The following MUC5AC variants were observed in gnomAD, a reference collection of about 807,000 sequenced individuals.
MUC5AC encodes the protein mucin-5AC.
MUC5AC carries 158 observed loss-of-function variants against 169.7 expected under a neutral mutation model. That is an observed-to-expected ratio of 0.93 (90% CI 0.82 to 1.06). The LOEUF (loss-of-function observed/expected upper bound fraction) is 1.06. Among genes scored for constraint, MUC5AC ranks in the 50% least tolerant of loss-of-function variants. The pLI is 0.00. For synonymous variants in MUC5AC, 1,975 were observed against 1,237.0 expected (o/e 1.60, Z -12.52); for missense variants, 4,359 against 3,089.9 (o/e 1.41, Z -9.74).
In MUC5AC at chr11:1,195,933, C is replaced by T. The variant is rs771811154; in HGVS notation, c.15516C>T (p.Val5172=). Residue 5172 remains valine, a synonymous_variant, in exon 37 of 49, where the codon GTC becomes GTT. Transcript: ENST00000621226. ...CACTGCTGTTCTATGAGGGCTGCGT[C>T]TTTGACCGGTGCCACATGACGGACC... ...IPPLLFYEGC[V]FDRCHMTDLD... 1.3e-6 allele frequency: 1 copy of T among 763,436 alleles called. No individual in the cohort carries two copies. Among genetic ancestry groups the T allele is most frequent in the African/African-American group, 1.7e-5 (1 of 59,084 alleles). The allele number at this position is 763,436 out of a possible 1,614,324, so 47.3% of individuals were successfully genotyped here.
At chr11:1,162,787 G>A (rs1860183617) in intron 5 of MUC5AC, 141 bp downstream of exon 5, 1 of 991,886 alleles carries the variant, frequency 1.0e-6, no homozygotes, top group African/African-American at 1.6e-5. Flanking sequence ...GCAAGAACAG[G>A]TGCCCAGACA....
Position 1,196,601 on chromosome 11 carries a change from C to G in MUC5AC, c.15726-16C>G, listed in dbSNP as rs775173952. 1.3e-6 allele frequency: 1 copy of G among 761,400 alleles called. No homozygotes were observed. Among genetic ancestry groups the G allele is most frequent in the Non-Finnish European group, 2.4e-6 (1 of 416,380 alleles). The allele number at this position is 761,400 out of a possible 1,614,324, so 47.2% of individuals were successfully genotyped here. On this transcript the variant is annotated splice_polypyrimidine_tract_variant and intron_variant, in intron 38 of 48. Coordinates refer to ENST00000621226, the MANE Select transcript of MUC5AC (RefSeq NM_001304359.2). ...GGAGGGAAAAAGGAGACCCACCAAC[C>G]CTATGCTCTCTACAGGGCTCTGCCG...
chr11:1,195,609 C>A (rs1861250833), intron 36 of MUC5AC, among the ~76,000 whole-genome samples: 1 of 150,966 alleles, frequency 6.6e-6, no homozygotes, highest in Admixed American at 6.6e-5. Context: ...AGGCAGCTTC[C>A]AGGTTTGCAG....
Position 1,174,619 on chromosome 11 carries a change from T to A in MUC5AC, c.2089T>A (p.Cys697Ser). Reference sequence around the variant, plus strand: ...GCTCGGCGGCTGGAGGGACGGCGTCTGCAGTGAGTGCCTGCCAAGCCCAGC... The same window carrying A: ...GCTCGGCGGCTGGAGGGACGGCGTCAGCAGTGAGTGCCTGCCAAGCCCAGC... Reference protein sequence around the residue: ...VQLGGWRDGVCTKPMTTCPKS... With the variant: ...VQLGGWRDGVSTKPMTTCPKS... The change falls in exon 17 of 49, where the codon TGC becomes AGC. Residue 697 changes from cysteine (C) to serine (S), a missense_variant. Physicochemically the swap from Cys to Ser is moderately radical, Grantham distance 112 (BLOSUM62 -1). Transcript: ENST00000621226. 8.5e-7 allele frequency: 1 copy of A among 1,181,590 alleles called. No homozygotes were observed. The highest frequency in any genetic ancestry group is 1.2e-6 in the Non-Finnish European group (1 of 832,884). 73.2% of individuals were successfully genotyped at this position (1,181,590 alleles called of 1,614,324 possible).
In MUC5AC at chr11:1,187,047, T is replaced by A. The variant is rs1443041514; in HGVS notation, c.8902T>A (p.Ser2968Thr). Residue 2968 changes from serine (S) to threonine (T), a missense_variant, in exon 31 of 49, where the codon TCT becomes ACT. Transcript: ENST00000621226. ...SVPTTSTTSA[S>T]TTSTTSGPGT... The stretch of plus-strand genomic sequence containing the variant: ...TCCTACCACCAGCACAACTTCTGCT[T>A]CTACAACCAGCACAACCTCTGGTCC... 1 of 696,562 alleles carries A rather than the reference T, an allele frequency of 1.4e-6. No homozygotes were observed. Among genetic ancestry groups the A allele is most frequent in the African/African-American group, 2.3e-5 (1 of 43,868 alleles). 43.1% of individuals were successfully genotyped at this position (696,562 alleles called of 1,614,324 possible). A position where few individuals can be genotyped will look rare whatever the true frequency, so the allele number is the denominator to read the frequency against.
At chr11:1,168,313 A>G (rs1268304998) in intron 12 of MUC5AC, among the ~76,000 whole-genome samples, 170 bp from the exon 13 acceptor site, 1 of 152,212 alleles carries the variant, frequency 6.6e-6, no homozygotes, top group Non-Finnish European at 1.5e-5. Context: ...AATGAAAGGC[A>G]TGGTCCTCGC....
chr11:1,169,678 A>G (rs1319299406), intron 15 of MUC5AC, among the ~76,000 whole-genome samples: 5 of 134,522 alleles, frequency 3.7e-5, no homozygotes, highest in African/African-American at 5.9e-5. Flanking sequence ...CCACTCACTC[A>G]CCCATTCACC....
In MUC5AC at chr11:1,158,068, T is replaced by C. The variant is rs28737416; in HGVS notation, c.69T>C (p.His23=). 1,243,687 of 1,605,428 alleles carry C rather than the reference T, an allele frequency of 0.77. 489,041 individuals carry two copies. Among genetic ancestry groups the C allele is most frequent in the Non-Finnish European group, 0.81 (956,069 of 1,177,506 alleles). ...CTCTCGCTCTGGCCTGCACCCGGCATACAGGTACGGCTTGGCCCCTGGCCG... is the reference window on the plus strand; with the variant it reads ...CTCTCGCTCTGGCCTGCACCCGGCACACAGGTACGGCTTGGCCCCTGGCCG... ...ALALALACTR[H]TGHAQDGSSE... is the part of the protein sequence containing the mutation. Residue 23 remains histidine (H), a synonymous_variant, in exon 1 of 49, where the codon CAT becomes CAC. Transcript: ENST00000621226.
chr11:1,193,013 C>T, intron 32 of MUC5AC, 31 bp downstream of exon 32: 1 of 655,740 alleles, frequency 1.5e-6, no homozygotes, highest in South Asian at 1.6e-5. Context: ...CTTCTGAAGG[C>T]TCAGGGGCTC....
Position 1,200,862 on chromosome 11 carries a change from C to T in MUC5AC, c.*160C>T. ...TGTGGAGGGTGTGGGCTATGGGTCA[C>T]CTGCTGCCTGGAGGAGGGGCCCTTA... On this transcript the variant is annotated 3_prime_UTR_variant, in exon 49 of 49. Coordinates refer to ENST00000621226, the MANE Select transcript of MUC5AC (RefSeq NM_001304359.2). 1.9e-6 allele frequency: 1 copy of T among 528,272 alleles called. No homozygotes were observed. Among genetic ancestry groups the T allele is most frequent in the East Asian group, 2.9e-5 (1 of 34,364 alleles). The allele number at this position is 528,272 out of a possible 1,614,324, so 32.7% of individuals were successfully genotyped here. A position where few individuals can be genotyped will look rare whatever the true frequency, so the allele number is the denominator to read the frequency against.
At chr11:1,167,224 A>C (rs1266002207) in intron 11 of MUC5AC, among the ~76,000 whole-genome samples, 7 of 142,546 alleles carry the variant, frequency 4.9e-5, no homozygotes, top group African/African-American at 1.9e-4. Context: ...CAGTCTCCCC[A>C]AGATGAGACC....
At chr11:1,180,541 T>C (rs1470277204) in intron 28 of MUC5AC, 25 bp downstream of exon 28, 10 of 398,590 alleles carry the variant, frequency 2.5e-5, no homozygotes, top group Admixed American at 8.8e-5. Flanking sequence ...GGGAGGAATA[T>C]GGAGCCTGCA....
intron 48 of MUC5AC, 100 bp downstream of exon 48, chr11:1,200,069 G>A: frequency 1.6e-6 from 1 of 623,870 alleles, no homozygotes; most frequent in South Asian, 1.9e-5. Context: ...GCAGGACCAT[G>A]AGGGGCCAGG....
At chr11:1,160,461 C>G in intron 1 of MUC5AC, 151 bp from the exon 2 acceptor site, 2 of 655,042 alleles carry the variant, frequency 3.1e-6, no homozygotes, top group Admixed American at 4.5e-5. Context: ...CTAGGACCCC[C>G]CCAACCCAGC....
At chr11:1,165,592 C>A in intron 10 of MUC5AC, 30 bp from the exon 11 acceptor site, 1 of 1,609,762 alleles carries the variant, frequency 6.2e-7, no homozygotes, top group Non-Finnish European at 8.5e-7. Context: ...CTGGGGCCGG[C>A]ACCCACGTGG....
At chr11:1,161,668 A>G in intron 3 of MUC5AC, 82 bp downstream of exon 3, 1 of 1,485,436 alleles carries the variant, frequency 6.7e-7, no homozygotes, top group Non-Finnish European at 9.1e-7. Context: ...TGCCGGGTGG[A>G]GAGGGGCCCC....
intron 15 of MUC5AC, among the ~76,000 whole-genome samples, chr11:1,171,255 CACTCACCCACT>C (rs1860515492): frequency 1.1e-4 from 11 of 98,128 alleles, no homozygotes; most frequent in African/African-American, 1.5e-4. Context: ...CCCACTCATC[CACTCACCCACT>C]CACTCACCCA....
rs1860994401 is a variant in MUC5AC at position 1,187,942 on chromosome 11, T to C, written c.9797T>C (p.Ile3266Thr). 2.6e-6 allele frequency: 2 copies of C among 755,068 alleles called. No homozygotes were observed. The highest frequency in any genetic ancestry group is 3.4e-5 in the African/African-American group (2 of 58,584). The allele number at this position is 755,068 out of a possible 1,614,324, so 46.8% of individuals were successfully genotyped here. Reference sequence around the variant, plus strand: ...AAAATCTGCCGCCGACCTGAGGAGATCACCAGGCTCCAGTGCCGAGCCGAG... The same window carrying C: ...AAAATCTGCCGCCGACCTGAGGAGACCACCAGGCTCCAGTGCCGAGCCGAG... ...GEKICRRPEEITRLQCRAESH... is the reference protein window; with the variant it reads ...GEKICRRPEETTRLQCRAESH... Residue 3266 changes from isoleucine to threonine, a missense_variant, in exon 31 of 49, where the codon ATC (isoleucine) becomes ACC (threonine). Coordinates refer to ENST00000621226, the MANE Select transcript of MUC5AC (RefSeq NM_001304359.2).
chr11:1,159,963 G>A (rs1860090304), intron 1 of MUC5AC, among the ~76,000 whole-genome samples: 1 of 139,238 alleles, frequency 7.2e-6, no homozygotes, highest in South Asian at 2.4e-4. Flanking sequence ...GTCCCACCAT[G>A]CTGGCTCTGT....
Sources: allele counts gnomAD v4.1 joint callset (sites outside exome capture counted in the v4.1 genomes callset), GRCh38; gene constraint gnomAD v4.1.1; transcripts MANE v1.5; gene names NCBI Gene and HGNC (gene_info 2026-07-23, HGNC 2026-07-21).